RABGAP1L: variants seen among roughly 807,000 people sequenced by gnomAD.
The protein encoded by RABGAP1L is RAB GTPase activating protein 1 like.
Under a neutral mutation model 137.7 loss-of-function variants are expected in RABGAP1L, and 63 were observed. The ratio of observed to expected loss-of-function variants is 0.46; its 90% CI spans 0.37 to 0.56. The LOEUF (loss-of-function observed/expected upper bound fraction) is 0.56, where lower values mean the gene tolerates loss of function less well. Among genes scored for constraint, RABGAP1L ranks in the 20% least tolerant of loss-of-function variants. RABGAP1L has a pLI of 0.00. For missense variants in RABGAP1L, 1,095 were observed against 1,244.0 expected, an observed-to-expected ratio of 0.88 and a Z score of 1.80; for synonymous variants, 431 against 433.7, an observed-to-expected ratio of 0.99 and a Z score of 0.08.
At chr1:174,507,231 A>T (rs557789282) in intron 13 of RABGAP1L, among the ~76,000 whole-genome samples, 1 of 152,216 alleles carries the variant, frequency 6.6e-6, no homozygotes, top group African/African-American at 2.4e-5. Context: ...GCCTAATAGT[A>T]TAGTACTGTT....
chr1:174,851,212 G>A (rs1648271233), intron 19 of RABGAP1L, among the ~76,000 whole-genome samples: 1 of 152,170 alleles, frequency 6.6e-6, no homozygotes, highest in African/African-American at 2.4e-5. Flanking sequence ...AACTAATAGA[G>A]CAAAATTATG....
At chr1:174,772,963 T>G (rs2148734824) in intron 18 of RABGAP1L, among the ~76,000 whole-genome samples, 1 of 152,352 alleles carries the variant, frequency 6.6e-6, no homozygotes, top group Admixed American at 6.5e-5. Flanking sequence ...TATTACTATT[T>G]TATCAGTGAT....
At chr1:174,330,465 G>A (rs904353688) in intron 11 of RABGAP1L, among the ~76,000 whole-genome samples, 1 of 152,070 alleles carries the variant, frequency 6.6e-6, no homozygotes, top group South Asian at 2.1e-4. Context: ...CCCACCTGTA[G>A]TCCCAGCTAC....
intron 13 of RABGAP1L, among the ~76,000 whole-genome samples, chr1:174,516,466 TC>T (rs1196161279): frequency 6.6e-6 from 1 of 152,130 alleles, no homozygotes; most frequent in Non-Finnish European, 1.5e-5. Context: ...TGATCCTCTC[TC>T]CTTGGCCTCC....
At chr1:174,964,812 T>C in intron 20 of RABGAP1L, 1 of 1,384,476 alleles carries the variant, frequency 7.2e-7, no homozygotes, top group Non-Finnish European at 9.3e-7. Flanking sequence ...AGAGAGAACT[T>C]AGAGTTATAT....
chr1:174,858,336 A>G (rs1359785426), intron 19 of RABGAP1L, among the ~76,000 whole-genome samples: 1 of 152,164 alleles, frequency 6.6e-6, no homozygotes, highest in Non-Finnish European at 1.5e-5. Context: ...AATATACTGT[A>G]TATCCATGGT....
chr1:174,636,403 C>T (rs190266917), intron 13 of RABGAP1L, among the ~76,000 whole-genome samples: 155 of 152,086 alleles, frequency 1.0e-3, no homozygotes, highest in African/African-American at 3.6e-3. Context: ...TGGCGGGCAC[C>T]TGTAATCCCA....
intron 19 of RABGAP1L, among the ~76,000 whole-genome samples, chr1:174,924,243 C>T (rs573742787): frequency 6.6e-6 from 1 of 151,532 alleles, no homozygotes; most frequent in East Asian, 2.0e-4. Flanking sequence ...AAAAATCAGC[C>T]GGGCATGATA....
Position 174,318,292 on chromosome 1 carries a change from A to C in RABGAP1L, c.1465+13165A>C, listed in dbSNP as rs138896055. On this transcript the variant is annotated intron_variant, in intron 11 of 25. Transcript: ENST00000681986. ...TAAAGTCTGTGTTGTCTGATATAAA[A>C]ATAGCTACTCCTGCTCTGCTTTGGT... Among the ~76,000 whole-genome samples the C allele has an allele frequency of 1.7e-3, 258 of 152,232 alleles. 1 individual carries two copies. The highest frequency in any genetic ancestry group is 6.0e-3 in the African/African-American group (251 of 41,542).
intron 13 of RABGAP1L, among the ~76,000 whole-genome samples, chr1:174,447,901 A>AC (rs1654962405): frequency 4.7e-5 from 1 of 21,294 alleles, no homozygotes; most frequent in Non-Finnish European, 1.0e-4. Flanking sequence ...CCCCCCCCCC[A>AC]CCCCCCCGCC....
chr1:174,512,197 C>T (rs1242395209), intron 13 of RABGAP1L, among the ~76,000 whole-genome samples: 4 of 152,102 alleles, frequency 2.6e-5, no homozygotes, highest in Non-Finnish European at 5.9e-5. Context: ...ATGCACAACA[C>T]AAGGGTACTT....
chr1:174,213,683 C>G (rs12070328), intron 1 of RABGAP1L, among the ~76,000 whole-genome samples: 3 of 152,126 alleles, frequency 2.0e-5, no homozygotes, highest in African/African-American at 7.2e-5. Context: ...AGACACATAT[C>G]AATCGGTGTG....
intron 17 of RABGAP1L, chr1:174,705,279 G>A (rs1198663052): frequency 6.6e-6 from 1 of 152,004 alleles, no homozygotes; most frequent in Non-Finnish European, 1.5e-5. Context: ...CCGTGGCATC[G>A]GAACATTGTC....
rs563932309 is a variant in RABGAP1L at position 174,186,540 on chromosome 1, C to CT, written c.-34+26885dup. Among the ~76,000 whole-genome samples the CT allele has an allele frequency of 3.3e-5, 5 of 152,296 alleles. No individual in the cohort carries two copies. In the East Asian group the frequency reaches 9.6e-4, roughly 29 times the overall value. ...GTCTACTATATAGATCCCTGCTCCC[C>CT]TTCTACACCAACCTGTAGAAAAACT... On this transcript the variant is annotated intron_variant, in intron 1 of 25. Transcript: ENST00000681986.
At chr1:174,976,978 G>A (rs80050604) in intron 22 of RABGAP1L, among the ~76,000 whole-genome samples, 10,886 of 152,270 alleles carry the variant, frequency 0.071, 1,277 homozygotes, top group African/African-American at 0.25. Context: ...GAAGTCTTCT[G>A]CCAAGAGTGT....
intron 13 of RABGAP1L, among the ~76,000 whole-genome samples, chr1:174,532,548 AT>A (rs1664512295): frequency 6.6e-6 from 1 of 152,288 alleles, no homozygotes; most frequent in Middle Eastern, 3.4e-3. Context: ...TATTGAGAGT[AT>A]TTAAACACAT....
intron 19 of RABGAP1L, among the ~76,000 whole-genome samples, chr1:174,954,562 A>G (rs1668229204): frequency 6.6e-6 from 1 of 152,220 alleles, no homozygotes; most frequent in Non-Finnish European, 1.5e-5. Flanking sequence ...GTTTAAAAAT[A>G]TGGTTTCAGA....
At chr1:174,548,281 T>C in intron 13 of RABGAP1L, 1 of 1,327,748 alleles carries the variant, frequency 7.5e-7, no homozygotes, top group Non-Finnish European at 9.7e-7. Flanking sequence ...CTATATAACA[T>C]TAGTTAAGTT....
intron 18 of RABGAP1L, among the ~76,000 whole-genome samples, chr1:174,787,394 C>A: frequency 9.0e-6 from 1 of 110,850 alleles, no homozygotes; most frequent in African/African-American, 3.1e-5. Flanking sequence ...CAGAGCAAGA[C>A]TCTGTGTCAA....
Sources: gnomAD v4.1 joint callset for allele counts (sites outside exome capture counted in the v4.1 genomes callset) on GRCh38, gnomAD v4.1.1 for gene constraint, MANE v1.5 for transcripts, NCBI Gene and HGNC (gene_info 2026-07-23, HGNC 2026-07-21) for gene names.